Variants in CELF2 observed in about 807,000 individuals in gnomAD.
CELF2 encodes the protein CUG triplet repeat RNA-binding protein 2.
In CELF2, 8 loss-of-function variants were observed where a neutral mutation model predicts 62.6. That is an observed-to-expected ratio of 0.13 (90% confidence interval 0.07 to 0.23). The LOEUF (loss-of-function observed/expected upper bound fraction) is 0.23, where lower values mean the gene tolerates loss of function less well. CELF2 is among the 10% of genes least tolerant of loss of function. The pLI is 1.00. For missense variants in CELF2, 333 were observed against 671.0 expected (o/e 0.50, Z 5.56); for synonymous variants, 258 against 250.0 (o/e 1.03, Z -0.30).
the CELF2 span, among the ~76,000 whole-genome samples, chr10:10,478,704 G>A: frequency 6.6e-6 from 1 of 152,148 alleles, no homozygotes; most frequent in Non-Finnish European, 1.5e-5. Context: ...GATCGTGATG[G>A]TAAGAAGTCA....
At chr10:10,956,940 AAAAAAAAAG>A (rs1315375363) in intron 2 of CELF2, among the ~76,000 whole-genome samples, 1 of 151,958 alleles carries the variant, frequency 6.6e-6, no homozygotes, top group African/African-American at 2.4e-5. Context: ...TCTCTTAAAA[AAAAAAAAAG>A]AAAAAAAAGT....
the CELF2 span, among the ~76,000 whole-genome samples, chr10:10,692,257 A>G: frequency 2.6e-5 from 4 of 150,952 alleles, no homozygotes; most frequent in Non-Finnish European, 5.9e-5. Flanking sequence ...ACCATTTATT[A>G]AATAGGGAAT....
intron 1 of CELF2, chr10:11,071,769 T>G (rs1052174509): frequency 1.3e-5 from 2 of 152,218 alleles, no homozygotes; most frequent in African/African-American, 4.8e-5. Flanking sequence ...TTGTTTCTGC[T>G]GCTTCACCAA....
the CELF2 span, among the ~76,000 whole-genome samples, chr10:10,756,967 C>G: frequency 1.3e-5 from 2 of 151,842 alleles, no homozygotes; most frequent in Non-Finnish European, 2.9e-5. Context: ...TATGGTGAAA[C>G]CCTGTCTCTA....
upstream of CELF2, among the ~76,000 whole-genome samples, chr10:11,002,733 A>G (rs542835664): frequency 3.3e-5 from 5 of 152,318 alleles, no homozygotes; most frequent in Admixed American, 2.0e-4. This position sits in a 1 kb window ranked among gnomAD's most constrained non-coding sequence, Gnocchi z 4.4. Flanking sequence ...GTAAAACACA[A>G]TAGCATGAAA....
rs562989692 is a variant in CELF2, at chr10:11,334,515, A to G, written c.*5462A>G. On this transcript the variant is annotated 3_prime_UTR_variant, in exon 13 of 13. Transcript: ENST00000633077. ...GTGAATATCTGATTTGGGGAAGAGG[A>G]AACTGCACAGCAGCCACCTTTGATT... 9.8e-5 allele frequency: 15 copies of G among 152,768 alleles called. No individual in the cohort carries two copies. The East Asian group carries it at 2.7e-3, about 27-fold the overall frequency. 9.5% of individuals were successfully genotyped at this position (152,768 alleles called of 1,614,324 possible). A position where few individuals can be genotyped will look rare whatever the true frequency, so the allele number is the denominator to read the frequency against.
chr10:10,962,403 A>G (rs1782502287), intron 2 of CELF2, among the ~76,000 whole-genome samples: 1 of 152,202 alleles, frequency 6.6e-6, no homozygotes, highest in African/African-American at 2.4e-5. Flanking sequence ...TGCTTGAAGT[A>G]TCAAACAAAG....
At chr10:10,858,403 GC>G (rs1564728435) in intron 1 of CELF2, among the ~76,000 whole-genome samples, 1 of 152,066 alleles carries the variant, frequency 6.6e-6, no homozygotes. Flanking sequence ...CATTGGCATA[GC>G]GCATCACATG....
At chr10:10,476,709 G>C in the CELF2 span, among the ~76,000 whole-genome samples, 212 of 152,174 alleles carry the variant, frequency 1.4e-3, 2 homozygotes, top group Middle Eastern at 3.4e-3. Context: ...GGCATTTTCT[G>C]AATATAAGAT....
intron 1 of CELF2, among the ~76,000 whole-genome samples, chr10:10,849,921 T>A (rs556206857): frequency 1.2e-4 from 18 of 151,776 alleles, no homozygotes; most frequent in Non-Finnish European, 2.5e-4. Flanking sequence ...GGCAGGCAGA[T>A]CACAAGGTCA....
chr10:11,196,409 C>G (rs1266794780), intron 2 of CELF2, among the ~76,000 whole-genome samples: 3 of 152,228 alleles, frequency 2.0e-5, no homozygotes, highest in African/African-American at 7.2e-5. Flanking sequence ...CACCTGTAAT[C>G]CCAGCACTTT....
chr10:10,720,440 G>T, the CELF2 span, among the ~76,000 whole-genome samples: 3 of 152,150 alleles, frequency 2.0e-5, no homozygotes, highest in Non-Finnish European at 4.4e-5. Flanking sequence ...TATGAAAAGC[G>T]CCACAAACAA....
At chr10:11,073,473 G>A (rs576788823) in intron 1 of CELF2, among the ~76,000 whole-genome samples, 1 of 152,336 alleles carries the variant, frequency 6.6e-6, no homozygotes, top group East Asian at 1.9e-4. Flanking sequence ...ACATACAGTG[G>A]TATGAGGGTC....
In CELF2 at chr10:11,098,106, A is replaced by G. The variant is rs1367137826; in HGVS notation, c.75-67380A>G. ...AAATTCAGGATGATGTGAGAAAGAA[A>G]GTCACGTGGCTAGTGAAGGTTGAGC... On this transcript the variant is annotated intron_variant, in intron 1 of 12. Coordinates refer to ENST00000633077, the MANE Select transcript of CELF2 (RefSeq NM_001326342.2). The surrounding 1 kb of genome is among the most constrained non-coding windows in gnomAD (Gnocchi z 4.0). 1 of 152,432 alleles carries G rather than the reference A, an allele frequency of 6.6e-6. No individual in the cohort carries two copies. The highest frequency in any genetic ancestry group is 2.4e-5 in the African/African-American group (1 of 41,462). 9.4% of individuals were successfully genotyped at this position (152,432 alleles called of 1,614,324 possible).
the CELF2 span, among the ~76,000 whole-genome samples, chr10:10,545,737 C>A: frequency 1.3e-5 from 2 of 152,042 alleles, no homozygotes; most frequent in Non-Finnish European, 2.9e-5. Context: ...AAAGAGTTAA[C>A]CTTCAAATAG....
Position 11,290,698 on chromosome 10 carries a change from G to C in CELF2, c.976+2146G>C, listed in dbSNP as rs2092393775. ...CCCTGCTGGAGTCAAAACCACACCA[G>C]CGCAGCGTCCTTGCCTTGACTGCTC... On this transcript the variant is annotated intron_variant, in intron 9 of 12. Coordinates refer to ENST00000633077, the MANE Select transcript of CELF2 (RefSeq NM_001326342.2). The surrounding 1 kb of genome is among the most constrained non-coding windows in gnomAD (Gnocchi z 4.3). Among the ~76,000 whole-genome samples the C allele has an allele frequency of 6.6e-6, 1 of 152,176 alleles. No homozygotes were observed. The highest frequency in any genetic ancestry group is 2.4e-5 in the African/African-American group (1 of 41,436).
chr10:10,904,851 C>T (rs2063212202), intron 1 of CELF2, among the ~76,000 whole-genome samples: 1 of 152,156 alleles, frequency 6.6e-6, no homozygotes, highest in South Asian at 2.1e-4. Context: ...GTATCAATTC[C>T]TGAGAAGCAG....
chr10:11,032,146 CAAAAAAAAAA>C (rs56364371), intron 1 of CELF2, among the ~76,000 whole-genome samples: 8 of 86,394 alleles, frequency 9.3e-5, no homozygotes, highest in Non-Finnish European at 1.8e-4. Flanking sequence ...AGGGCTTAGC[CAAAAAAAAAA>C]AAAAAAAAAA....
At chr10:11,209,982 C>T (rs543867437) in intron 2 of CELF2, among the ~76,000 whole-genome samples, 37 of 152,182 alleles carry the variant, frequency 2.4e-4, no homozygotes, top group African/African-American at 8.7e-4. Flanking sequence ...CTTGCAAATG[C>T]ACATACAAAA....
Sources: gnomAD v4.1 joint callset for allele counts (sites outside exome capture counted in the v4.1 genomes callset) on GRCh38, gnomAD v4.1.1 for gene constraint, Gnocchi (gnomAD v3.1) non-coding constraint, MANE v1.5 for transcripts, NCBI Gene and HGNC (gene_info 2026-07-23, HGNC 2026-07-21) for gene names.